ERBIN: variants seen among roughly 807,000 people sequenced by gnomAD.
ERBIN encodes densin-180-like protein.
In ERBIN, 60 loss-of-function variants were observed where a neutral mutation model predicts 158.4. That is an observed-to-expected ratio of 0.38 (90% CI 0.31 to 0.47). The LOEUF is 0.47. Ranked by LOEUF, ERBIN falls within the 20% of genes least tolerant of loss-of-function variation. The pLI is 0.99. For missense variants in ERBIN, 1,610 were observed against 1,648.0 expected (o/e 0.98, Z 0.40); for synonymous variants, 594 against 557.2 (o/e 1.07, Z -0.93).
At chr5:66,047,769 G>GTA (rs1425951710) in intron 18 of ERBIN, among the ~76,000 whole-genome samples, 6 of 151,966 alleles carry the variant, frequency 3.9e-5, no homozygotes, top group African/African-American at 1.4e-4. Flanking sequence ...ATACGCTATG[G>GTA]TATGCACTGA....
intron 1 of ERBIN, among the ~76,000 whole-genome samples, chr5:65,969,437 C>T (rs752853094): frequency 1.3e-4 from 20 of 152,014 alleles, no homozygotes; most frequent in Non-Finnish European, 2.5e-4. Flanking sequence ...GAACAGCTAA[C>T]GAAAATGTAG....
Position 66,063,160 on chromosome 5 carries a change from G to T in ERBIN, c.3633+8209G>T, listed in dbSNP as rs181420650. Among the ~76,000 whole-genome samples, 174 of 152,330 alleles carry T rather than the reference G, an allele frequency of 1.1e-3. 1 individual carries two copies. The highest frequency in any genetic ancestry group is 4.0e-3 in the African/African-American group (168 of 41,580). On this transcript the variant is annotated intron_variant, in intron 21 of 25. Transcript: ENST00000284037. The stretch of plus-strand genomic sequence containing the variant: ...GAGGTGGAGCCTACCGAGGCACGCA[G>T]GCCTCCTTGAGCTGTGGTGGGCTTC...
At chr5:65,942,814 A>T (rs1745222399) in intron 1 of ERBIN, among the ~76,000 whole-genome samples, 1 of 151,692 alleles carries the variant, frequency 6.6e-6, no homozygotes, top group African/African-American at 2.4e-5. Context: ...AATTCCGCCT[A>T]CTCGGGAGGC....
chr5:66,005,811 T>A (rs1002749270), intron 4 of ERBIN, among the ~76,000 whole-genome samples: 1 of 152,062 alleles, frequency 6.6e-6, no homozygotes, highest in African/African-American at 2.4e-5. Context: ...TCAAAGGGAA[T>A]AAAATACCTA....
intron 1 of ERBIN, among the ~76,000 whole-genome samples, chr5:65,962,066 A>G (rs368789341): frequency 3.5e-4 from 54 of 152,140 alleles, no homozygotes; most frequent in African/African-American, 1.2e-3. Context: ...GTGCTTGACT[A>G]TGTCGCATTT....
chr5:66,046,206 T>A, intron 17 of ERBIN, 147 bp from the exon 18 acceptor site: 1 of 428,216 alleles, frequency 2.3e-6, no homozygotes, highest in Non-Finnish European at 4.1e-6. Flanking sequence ...TATCTGTGAG[T>A]GTCACAGGTT....
intron 25 of ERBIN, 82 bp downstream of exon 25, chr5:66,077,031 GA>G: frequency 9.3e-7 from 1 of 1,076,704 alleles, no homozygotes; most frequent in Non-Finnish European, 1.3e-6. Flanking sequence ...CTTTAACTTT[GA>G]AAATTGTGGG....
At chr5:66,070,496 C>G (rs1007395476) in intron 21 of ERBIN, among the ~76,000 whole-genome samples, 2 of 151,926 alleles carry the variant, frequency 1.3e-5, no homozygotes, top group South Asian at 2.1e-4. Flanking sequence ...TTTCCACATT[C>G]TTTTATAGTA....
Position 66,082,129 on chromosome 5 carries a change from A to T in ERBIN, c.*3599A>T, listed in dbSNP as rs568759509. 10 of 152,336 alleles carry T rather than the reference A, an allele frequency of 6.6e-5. No individual in the cohort carries two copies. Among genetic ancestry groups the T allele is most frequent in the Admixed American group, 6.5e-4 (10 of 15,296 alleles). The allele number at this position is 152,336 out of a possible 1,614,324, so 9.4% of individuals were successfully genotyped here. On this transcript the variant is annotated 3_prime_UTR_variant, in exon 26 of 26. Transcript: ENST00000284037. ...TCATGAAGCAGTTTTTCAAGATTAG[A>T]ATCTGTGGTCAGCTATAACGTACAG...
chr5:65,985,066 CTG>C (rs1751070975), intron 1 of ERBIN, among the ~76,000 whole-genome samples: 1 of 152,142 alleles, frequency 6.6e-6, no homozygotes, highest in Non-Finnish European at 1.5e-5. Context: ...ATTGTTGAAA[CTG>C]TGTTGGAAAA....
chr5:66,077,150 CAAAAAAA>C (rs397977892), intron 25 of ERBIN, among the ~76,000 whole-genome samples: 3 of 74,600 alleles, frequency 4.0e-5, no homozygotes, highest in African/African-American at 1.3e-4. Flanking sequence ...GACTCTGTCT[CAAAAAAA>C]AAAAAAAAAA....
chr5:65,981,172 C>G (rs1198811934), intron 1 of ERBIN, among the ~76,000 whole-genome samples: 1 of 152,050 alleles, frequency 6.6e-6, no homozygotes, highest in Non-Finnish European at 1.5e-5. Flanking sequence ...TTAAGGAAGT[C>G]AATTTTGAAC....
intron 4 of ERBIN, among the ~76,000 whole-genome samples, chr5:65,999,305 G>A (rs1209248753): frequency 6.6e-6 from 1 of 152,194 alleles, no homozygotes; most frequent in Non-Finnish European, 1.5e-5. Flanking sequence ...GGCAGAGGTG[G>A]CAGTGAGCCG....
chr5:66,037,024 A>T (rs1363809896), intron 14 of ERBIN, among the ~76,000 whole-genome samples: 4 of 152,228 alleles, frequency 2.6e-5, no homozygotes, highest in Non-Finnish European at 5.9e-5. Context: ...GTATAGTCAC[A>T]GAGTTGTGCA....
chr5:65,939,473 C>T (rs1744511973), intron 1 of ERBIN, among the ~76,000 whole-genome samples: 1 of 152,040 alleles, frequency 6.6e-6, no homozygotes, highest in Admixed American at 6.6e-5. Flanking sequence ...ACAGATCCAG[C>T]CCAGCATCTT....
chr5:65,983,424 C>T (rs751710371), intron 1 of ERBIN, among the ~76,000 whole-genome samples: 17 of 151,384 alleles, frequency 1.1e-4, no homozygotes, highest in Non-Finnish European at 2.4e-4. Context: ...TTTTTTTTTA[C>T]TCTTCTTACC....
chr5:66,081,519 AAC>A lies in ERBIN; in HGVS notation c.*2993_*2994del, dbSNP rs1020652707. The stretch of plus-strand genomic sequence containing the variant: ...ATTTTTGTATATATCTAGATGAAGT[AAC>A]ACATAGAGGATAGATAACAAACTAA... On this transcript the variant is annotated 3_prime_UTR_variant, in exon 26 of 26. Transcript: ENST00000284037. The A allele has an allele frequency of 4.6e-5, 7 of 152,172 alleles. No individual in the cohort carries two copies. Among genetic ancestry groups the A allele is most frequent in the African/African-American group, 1.7e-4 (7 of 41,468 alleles). The allele number at this position is 152,172 out of a possible 1,614,324, so 9.4% of individuals were successfully genotyped here.
intron 13 of ERBIN, among the ~76,000 whole-genome samples, chr5:66,027,992 T>A (rs575057407): frequency 6.6e-6 from 1 of 152,220 alleles, no homozygotes; most frequent in Admixed American, 6.5e-5. Context: ...CAGGGACAAT[T>A]AATTTTTCAA....
chr5:66,024,162 G>T, intron 9 of ERBIN, 144 bp from the exon 10 acceptor site: 1 of 551,512 alleles, frequency 1.8e-6, no homozygotes, highest in Non-Finnish European at 3.1e-6. Context: ...CATTTCTAAT[G>T]GCATTTAAAA....
Sources: allele counts gnomAD v4.1 joint callset (sites outside exome capture counted in the v4.1 genomes callset), GRCh38; gene constraint gnomAD v4.1.1; transcripts MANE v1.5; gene names NCBI Gene and HGNC (gene_info 2026-07-23, HGNC 2026-07-21).